IGSF9B: variants seen among roughly 807,000 people sequenced by gnomAD.
IGSF9B encodes the protein protein turtle homolog B.
A neutral mutation model predicts 143.7 loss-of-function variants in IGSF9B; 48 were observed. That is an observed-to-expected ratio of 0.33 (90% CI 0.26 to 0.42). The LOEUF (loss-of-function observed/expected upper bound fraction) is 0.42. Ranked by LOEUF, IGSF9B falls within the 20% of genes least tolerant of loss-of-function variation. The pLI, the probability that IGSF9B is intolerant of heterozygous loss-of-function variation, is 1.00. For missense variants in IGSF9B, 1,706 were observed against 1,980.0 expected (o/e 0.86, Z 2.63); for synonymous variants, 903 against 833.1 (o/e 1.08, Z -1.44).
At position 133,919,889 on chromosome 11, in the gene IGSF9B, GC is replaced by G; in HGVS notation, c.3835del (p.Ala1279ProfsTer68). On this transcript the variant is annotated frameshift_variant, in exon 18 of 20. Transcript: ENST00000533871. LOFTEE classifies it high-confidence loss of function. The stretch of plus-strand genomic sequence containing the variant: ...GGGTGGAGGGGAAGGGTAGCCGGTG[GC>G]CAGAGTGGTGAAGCCCATGGCGGGC... ...YRPAMGFTTL[A>X]TGYPSPPPGP... 6.3e-7 allele frequency: 1 copy of G among 1,584,182 alleles called. No individual in the cohort carries two copies.
At chr11:133,938,636 G>A (rs112023665) in intron 3 of IGSF9B, among the ~76,000 whole-genome samples, 53 of 152,240 alleles carry the variant, frequency 3.5e-4, no homozygotes, top group South Asian at 1.5e-3. Flanking sequence ...ATTTGCCTGA[G>A]CTGCTTGTAG....
rs1565409698 is a variant in IGSF9B, at chr11:133,902,046, ACAC to A, written c.*7020_*7022del. On this transcript the variant is annotated 3_prime_UTR_variant, in exon 20 of 20. Transcript: ENST00000533871. ...ACACCATACCACACACCACACCCAC[ACAC>A]AATACACACATACCACACACAATAA... Among the ~76,000 whole-genome samples the A allele has an allele frequency of 6.7e-6, 1 of 148,836 alleles. No individual in the cohort carries two copies. The highest frequency in any genetic ancestry group is 2.2e-4 in the South Asian group (1 of 4,644).
Position 133,920,350 on chromosome 11 carries a change from A to G in IGSF9B, c.3375T>C (p.Pro1125=). Residue 1125 remains proline, a synonymous_variant, in exon 18 of 20, where the codon CCT becomes CCC. Coordinates refer to ENST00000533871, the MANE Select transcript of IGSF9B (RefSeq NM_001277285.4). ...APPAAKWQDR[P]MQPLVSQGQL... ...GCCCTTGGCTTACCAGAGGTTGCAT[A>G]GGTCTGTCCTGCCACTTGGCGGCGG... is the stretch of plus-strand genomic sequence containing the variant. 1 of 1,602,880 alleles carries G rather than the reference A, an allele frequency of 6.2e-7. No individual in the cohort carries two copies. Among genetic ancestry groups the G allele is most frequent in the East Asian group, 2.2e-5 (1 of 44,710 alleles).
At chr11:133,919,619 G>A (rs1269872693) in intron 18 of IGSF9B, 123 bp downstream of exon 18, 3 of 649,570 alleles carry the variant, frequency 4.6e-6, no homozygotes, top group Admixed American at 3.8e-5. Context: ...TCCGAGGGAC[G>A]CCGGTGCGGC....
At chr11:133,912,157 C>T (rs1173934539) in intron 18 of IGSF9B, 150 bp from the exon 19 acceptor site, 8 of 904,610 alleles carry the variant, frequency 8.8e-6, no homozygotes, top group South Asian at 4.5e-5. Context: ...CCATGACACC[C>T]GCCTTTCTAT....
chr11:133,904,811 C>A lies in IGSF9B; in HGVS notation c.*4258G>T, dbSNP rs1008671673. Among the ~76,000 whole-genome samples, 3 of 151,774 alleles carry A rather than the reference C, an allele frequency of 2.0e-5. No individual in the cohort carries two copies. Among genetic ancestry groups the A allele is most frequent in the Non-Finnish European group, 2.9e-5 (2 of 67,972 alleles). The stretch of plus-strand genomic sequence containing the variant: ...AAAGCACACAGGCCTCCCCTCCACC[C>A]TCCAGTTCTCCAACTCCCCCTCCTG... On this transcript the variant is annotated 3_prime_UTR_variant, in exon 20 of 20. Coordinates refer to ENST00000533871, the MANE Select transcript of IGSF9B (RefSeq NM_001277285.4).
rs1940203962 is a variant in IGSF9B, at chr11:133,953,726, T to C, written c.64+2965A>G. On this transcript the variant is annotated intron_variant, in intron 1 of 19. Coordinates refer to ENST00000533871, the MANE Select transcript of IGSF9B (RefSeq NM_001277285.4). The surrounding 1 kb of genome is among the most constrained non-coding windows in gnomAD (Gnocchi z 4.2). ...AGTAAAGTCTGGGACTTTCCTCCCC[T>C]ATCCAAGGTCCACAATCAGCTAAGC... Among the ~76,000 whole-genome samples the C allele has an allele frequency of 6.6e-6, 1 of 152,100 alleles. No homozygotes were observed. Among genetic ancestry groups the C allele is most frequent in the African/African-American group, 2.4e-5 (1 of 41,406 alleles).
At chr11:133,932,020 A>C (rs1308928750) in intron 8 of IGSF9B, 51 bp downstream of exon 8, 1 of 1,570,372 alleles carries the variant, frequency 6.4e-7, no homozygotes, top group African/African-American at 1.4e-5. Context: ...GTGGCATCAC[A>C]GTACTGGGGG....
rs755529980 is a variant in IGSF9B, at chr11:133,929,701, T to C, written c.1601A>G (p.Asp534Gly). Reference sequence around the variant, plus strand: ...TGAGAATGTCTGCTCGTAGCCTCCATCATAGCCTGGTTCCCAGGACACGTT... The same window carrying C: ...TGAGAATGTCTGCTCGTAGCCTCCACCATAGCCTGGTTCCCAGGACACGTT... The part of the protein sequence containing the change: ...TANVSWEPGY[D>G]GGYEQTFSVW... Residue 534 changes from aspartate (D) to glycine (G), a missense_variant, in exon 12 of 20, where the codon GAT becomes GGT. Physicochemically the swap from Asp to Gly is moderately conservative, Grantham distance 94. Coordinates refer to ENST00000533871, the MANE Select transcript of IGSF9B (RefSeq NM_001277285.4). The C allele has an allele frequency of 6.2e-7, 1 of 1,613,580 alleles. No individual in the cohort carries two copies. The highest frequency in any genetic ancestry group is 1.3e-5 in the African/African-American group (1 of 74,924).
At chr11:133,955,269 T>G (rs1347052814) in intron 1 of IGSF9B, among the ~76,000 whole-genome samples, 1 of 152,152 alleles carries the variant, frequency 6.6e-6, no homozygotes, top group Non-Finnish European at 1.5e-5. Flanking sequence ...CCATCACCCT[T>G]GCCTCAGTGT....
At position 133,940,221 on chromosome 11, in the gene IGSF9B, C is replaced by T. The variant is rs559260818; in HGVS notation, c.410-2260G>A. On this transcript the variant is annotated intron_variant, in intron 3 of 19. Transcript: ENST00000533871. ...CACACACCTCGCACATCCTCGCACG[C>T]GTCATCGCACGCAAAAACACACACC... 1.7e-4 allele frequency among the ~76,000 whole-genome samples: 24 copies of T among 140,524 alleles called. No individual in the cohort carries two copies. The East Asian group carries it at 5.4e-3, about 32-fold the overall frequency. The allele number at this position is 140,524 out of a possible 152,430, so 92.2% of individuals were successfully genotyped here.
intron 3 of IGSF9B, among the ~76,000 whole-genome samples, chr11:133,942,404 T>C (rs329642): frequency 0.36 from 54,261 of 152,094 alleles, 11,001 homozygotes; most frequent in Middle Eastern, 0.47. Context: ...GCTCCATGCT[T>C]ATCCCACTCA....
At position 133,896,863 on chromosome 11, in the gene IGSF9B, G is replaced by A. The variant is rs1444911919; in HGVS notation, c.*12206C>T. On this transcript the variant is annotated 3_prime_UTR_variant, in exon 20 of 20. Transcript: ENST00000533871. ...TCAGCAGCCAGGGCAGGCGTCTATT[G>A]CTTAGGGCCGTAGAGCAGGCGTGGC... is the stretch of plus-strand genomic sequence containing the variant. 1 of 152,492 alleles carries A rather than the reference G, an allele frequency of 6.6e-6. No individual in the cohort carries two copies. Among genetic ancestry groups the A allele is most frequent in the Non-Finnish European group, 1.5e-5 (1 of 68,270 alleles). The allele number at this position is 152,492 out of a possible 1,614,324, so 9.4% of individuals were successfully genotyped here. A position where few individuals can be genotyped will look rare whatever the true frequency, so the allele number is the denominator to read the frequency against.
At chr11:133,924,793 T>G (rs796370761) in intron 15 of IGSF9B, 27 bp downstream of exon 15, 1 of 1,595,592 alleles carries the variant, frequency 6.3e-7, no homozygotes, top group Non-Finnish European at 8.6e-7. Flanking sequence ...TCCCTATAGT[T>G]GCAAGAGCAC....
At chr11:133,944,825 T>C (rs1940016915) in intron 2 of IGSF9B, among the ~76,000 whole-genome samples, 1 of 152,152 alleles carries the variant, frequency 6.6e-6, no homozygotes. Context: ...CCCAGCAGCA[T>C]TTCCAGGACT....
chr11:133,909,167 G>A lies in IGSF9B; in HGVS notation c.4216C>T (p.Arg1406Trp), dbSNP rs1357721454. The A allele has an allele frequency of 6.5e-6, 10 of 1,535,770 alleles. No homozygotes were observed. The highest frequency in any genetic ancestry group is 1.4e-5 in the African/African-American group (1 of 73,024). The change falls in exon 20 of 20, where the codon CGG (arginine) becomes TGG (tryptophan). Residue 1406 changes from arginine to tryptophan, a missense_variant. Around this residue, in one of 7 missense-constraint regions of IGSF9B, gnomAD observed 880 missense variants for 762.9 expected, o/e 1.15. Transcript: ENST00000533871. The surrounding 1 kb of genome is among the most constrained non-coding windows in gnomAD (Gnocchi z 4.2). ...KRHSRPDPFA[R>W]LSDLCHRQLP... ...TGGCGGTGGCACAAGTCTGAGAGCC[G>A]GGCAAAGGGGTCAGGACGAGAATGT...
At position 133,908,460 on chromosome 11, in the gene IGSF9B, A is replaced by G. The variant is rs1446927267; in HGVS notation, c.*609T>C. On this transcript the variant is annotated 3_prime_UTR_variant, in exon 20 of 20. Transcript: ENST00000533871. ...TTTGGGAGAAAGAATCCCCCAAGACAGATGTCAGGCACCTGGCCAACGTGC... is the reference window on the plus strand; with the variant it reads ...TTTGGGAGAAAGAATCCCCCAAGACGGATGTCAGGCACCTGGCCAACGTGC... 2.0e-5 allele frequency: 3 copies of G among 152,234 alleles called. No homozygotes were observed. The highest frequency in any genetic ancestry group is 3.9e-4 in the East Asian group (2 of 5,156). 9.4% of individuals were successfully genotyped at this position (152,234 alleles called of 1,614,324 possible).
rs1940025694 is a variant in IGSF9B, at chr11:133,945,305, G to A, written c.262+756C>T. On this transcript the variant is annotated intron_variant, in intron 2 of 19. Coordinates refer to ENST00000533871, the MANE Select transcript of IGSF9B (RefSeq NM_001277285.4). This position sits in a 1 kb window ranked among gnomAD's most constrained non-coding sequence, Gnocchi z 4.6. ...CCAACCCTGGCCAAAAAGAGAGCAT[G>A]AGACATGGGCACAGGAGCGAAAGAG... is the stretch of plus-strand genomic sequence containing the variant. 6.6e-6 allele frequency among the ~76,000 whole-genome samples: 1 copy of A among 152,242 alleles called. No individual in the cohort carries two copies. Among genetic ancestry groups the A allele is most frequent in the African/African-American group, 2.4e-5 (1 of 41,464 alleles).
Position 133,902,014 on chromosome 11 carries a change from CAT to C in IGSF9B, c.*7053_*7054del, listed in dbSNP as rs1491512484. 2.1e-3 allele frequency among the ~76,000 whole-genome samples: 259 copies of C among 123,604 alleles called. 1 individual carries two copies. Among genetic ancestry groups the C allele is most frequent in the African/African-American group, 8.6e-3 (248 of 28,712 alleles). The allele number at this position is 123,604 out of a possible 152,430, so 81.1% of individuals were successfully genotyped here. Reference sequence around the variant, plus strand: ...ACATCACACACACACACACACCAGACATACACACACCATACCACACACCACAC... The same window carrying C: ...ACATCACACACACACACACACCAGACACACACACCATACCACACACCACAC... On this transcript the variant is annotated 3_prime_UTR_variant, in exon 20 of 20. Coordinates refer to ENST00000533871, the MANE Select transcript of IGSF9B (RefSeq NM_001277285.4).
Sources: allele counts gnomAD v4.1 joint callset (sites outside exome capture counted in the v4.1 genomes callset), GRCh38; gene constraint gnomAD v4.1.1; regional missense constraint gnomAD v4.1.1; non-coding constraint Gnocchi (gnomAD v3.1); transcripts MANE v1.5; gene names NCBI Gene and HGNC (gene_info 2026-07-23, HGNC 2026-07-21).